The following MYT1L variants were observed in gnomAD, a reference collection of about 807,000 sequenced individuals.
MYT1L encodes the protein myelin transcription factor 1-like protein.
Under a neutral mutation model 126.7 loss-of-function variants are expected in MYT1L, and 12 were observed. The ratio of observed to expected loss-of-function variants is 0.09; its 90% confidence interval spans 0.06 to 0.15. MYT1L has a LOEUF of 0.15. Among genes scored for constraint, MYT1L ranks in the 10% least tolerant of loss-of-function variants. The pLI, the probability that MYT1L is intolerant of heterozygous loss-of-function variation, is 1.00. For synonymous variants in MYT1L, 541 were observed against 604.2 expected, an observed-to-expected ratio of 0.90 and a Z score of 1.53; for missense variants, 979 against 1,585.2, an observed-to-expected ratio of 0.62 and a Z score of 6.49.
intron 3 of MYT1L, among the ~76,000 whole-genome samples, chr2:2,166,125 T>C (rs941764052): frequency 6.6e-6 from 1 of 152,236 alleles, no homozygotes; most frequent in Non-Finnish European, 1.5e-5. Context: ...TTCTTATATT[T>C]ATTTCCTTCC....
At chr2:2,111,236 A>G (rs992650945) in intron 3 of MYT1L, among the ~76,000 whole-genome samples, 4 of 151,762 alleles carry the variant, frequency 2.6e-5, no homozygotes, top group Non-Finnish European at 5.9e-5. Context: ...AAGCCCTACC[A>G]CTCTCACTGA....
chr2:1,822,836 T>A (rs1350176421), intron 21 of MYT1L, among the ~76,000 whole-genome samples: 1 of 140,738 alleles, frequency 7.1e-6, no homozygotes, highest in East Asian at 2.4e-4. Flanking sequence ...GAAACCCTCC[T>A]CTCCTGGAGG....
chr2:1,844,175 CCT>C (rs1251417932), intron 19 of MYT1L, among the ~76,000 whole-genome samples: 1 of 152,160 alleles, frequency 6.6e-6, no homozygotes, highest in Non-Finnish European at 1.5e-5. Flanking sequence ...TAGCCCAGGG[CCT>C]CTGTTCCATC....
intron 2 of MYT1L, among the ~76,000 whole-genome samples, chr2:2,237,903 G>T (rs956410986): frequency 6.6e-6 from 1 of 152,078 alleles, no homozygotes. Flanking sequence ...AACTCCCCTC[G>T]CCACACCTTG....
rs144009219 is a variant in MYT1L at position 1,881,320 on chromosome 2, C to G, written c.2711+5219G>C. Among the ~76,000 whole-genome samples the G allele has an allele frequency of 8.0e-3, 1,214 of 150,904 alleles. 7 individuals carry two copies. The highest frequency in any genetic ancestry group is 0.031 in the Middle Eastern group (9 of 288). ...TCCCTCAACAAGAAACTCCGTGAAC[C>G]AAGACCTGGGTGGTTTATTGTTGGT... On this transcript the variant is annotated intron_variant, in intron 18 of 24. Transcript: ENST00000647738.
In MYT1L at chr2:1,801,656, G is replaced by T. The variant is rs373816224; in HGVS notation, c.3276+40C>A. 1.6e-6 allele frequency: 2 copies of T among 1,236,912 alleles called. No individual in the cohort carries two copies. The highest frequency in any genetic ancestry group is 2.4e-6 in the Non-Finnish European group (2 of 848,110). 76.6% of individuals were successfully genotyped at this position (1,236,912 alleles called of 1,614,324 possible). Reference sequence around the variant, plus strand: ...TGCCATGTATCTCTGGTATAATGGCGCGTGTTAGAGCTAAAATTGAGGGCT... The same window carrying T: ...TGCCATGTATCTCTGGTATAATGGCTCGTGTTAGAGCTAAAATTGAGGGCT... On this transcript the variant is annotated intron_variant, in intron 23 of 24. Transcript: ENST00000647738. This position sits in a 1 kb window ranked among gnomAD's most constrained non-coding sequence, Gnocchi z 4.2.
At chr2:1,855,678 T>C (rs1047332834) in intron 18 of MYT1L, among the ~76,000 whole-genome samples, 1 of 152,202 alleles carries the variant, frequency 6.6e-6, no homozygotes. Context: ...TATACATATG[T>C]ATATATTTTC....
chr2:2,111,515 T>G (rs1259240852), intron 3 of MYT1L, among the ~76,000 whole-genome samples: 1 of 152,184 alleles, frequency 6.6e-6, no homozygotes, highest in Non-Finnish European at 1.5e-5. Context: ...CAAATACTAA[T>G]TTTGAGAATT....
intron 2 of MYT1L, among the ~76,000 whole-genome samples, chr2:2,243,685 A>C (rs2094479167): frequency 6.6e-6 from 1 of 152,228 alleles, no homozygotes; most frequent in South Asian, 2.1e-4. Context: ...GAAACACATA[A>C]GACTCATATG....
intron 9 of MYT1L, among the ~76,000 whole-genome samples, chr2:1,928,824 AAAG>A (rs1360340525): frequency 1.3e-5 from 2 of 152,098 alleles, no homozygotes; most frequent in Non-Finnish European, 2.9e-5. Flanking sequence ...TCTGATGTGG[AAAG>A]AAGATTAGAA....
At chr2:2,000,938 C>G (rs984341987) in intron 4 of MYT1L, among the ~76,000 whole-genome samples, 14 of 152,262 alleles carry the variant, frequency 9.2e-5, no homozygotes, top group African/African-American at 3.4e-4. Flanking sequence ...TCCTGGTTCC[C>G]CTGGGAAGCT....
chr2:2,150,872 G>C (rs2085652483), intron 3 of MYT1L, among the ~76,000 whole-genome samples: 1 of 149,624 alleles, frequency 6.7e-6, no homozygotes, highest in African/African-American at 2.5e-5. Context: ...GAGGGAAGAA[G>C]GGAGGGAAGG....
chr2:2,087,472 G>A (rs1006143392), intron 3 of MYT1L, among the ~76,000 whole-genome samples: 2 of 152,140 alleles, frequency 1.3e-5, no homozygotes, highest in Non-Finnish European at 2.9e-5. Context: ...ACCCAGGAGG[G>A]GCCCTGCAGG....
At chr2:1,850,833 T>C (rs2043175022) in intron 19 of MYT1L, among the ~76,000 whole-genome samples, 1 of 152,106 alleles carries the variant, frequency 6.6e-6, no homozygotes, top group African/African-American at 2.4e-5. Flanking sequence ...TTCCATCCAC[T>C]GACCCCAATC....
chr2:2,039,164 G>A (rs1408420701), intron 4 of MYT1L, among the ~76,000 whole-genome samples: 1 of 152,120 alleles, frequency 6.6e-6, no homozygotes, highest in Non-Finnish European at 1.5e-5. Context: ...AATAATCATG[G>A]GGACATTATG....
At chr2:2,190,277 T>C (rs1341093855) in intron 2 of MYT1L, among the ~76,000 whole-genome samples, 1 of 151,928 alleles carries the variant, frequency 6.6e-6, no homozygotes, top group Non-Finnish European at 1.5e-5. Context: ...GGTAACATGG[T>C]GAAACCCTGT....
rs143007962 is a variant in MYT1L, at chr2:1,865,989, C to T, written c.2712-14286G>A. On this transcript the variant is annotated intron_variant, in intron 18 of 24. Coordinates refer to ENST00000647738, the MANE Select transcript of MYT1L (RefSeq NM_001303052.2). ...GGGCTTTGAACCCAAGCTGTCCCAC[C>T]TCAGAGGCACTGGGTTTAGCCTCCG... Among the ~76,000 whole-genome samples, 266 of 152,308 alleles carry T rather than the reference C, an allele frequency of 1.7e-3. 4 individuals carry two copies. Among genetic ancestry groups the T allele is most frequent in the African/African-American group, 6.1e-3 (252 of 41,564 alleles).
At chr2:1,909,842 G>C (rs138948727) in intron 13 of MYT1L, among the ~76,000 whole-genome samples, 46 of 152,282 alleles carry the variant, frequency 3.0e-4, no homozygotes, top group African/African-American at 1.1e-3. Flanking sequence ...GGCATCGTCA[G>C]AAACATCAGC....
intron 8 of MYT1L, among the ~76,000 whole-genome samples, chr2:1,969,612 G>T (rs2059654579): frequency 6.6e-6 from 1 of 152,204 alleles, no homozygotes; most frequent in South Asian, 2.1e-4. Flanking sequence ...TCTGGACGGG[G>T]CTTAAAGGTT....
Sources: allele counts gnomAD v4.1 joint callset (sites outside exome capture counted in the v4.1 genomes callset), GRCh38; gene constraint gnomAD v4.1.1; non-coding constraint Gnocchi (gnomAD v3.1); transcripts MANE v1.5; gene names NCBI Gene and HGNC (gene_info 2026-07-23, HGNC 2026-07-21).